Variants in SLC44A5 observed in about 807,000 individuals in gnomAD.
The protein encoded by SLC44A5 is choline transporter-like protein 5.
A neutral mutation model predicts 101.8 loss-of-function variants in SLC44A5; 57 were observed. The observed-to-expected ratio is 0.56, with a 90% CI of 0.45 to 0.70. The LOEUF is 0.70. Among genes scored for constraint, SLC44A5 ranks in the 30% least tolerant of loss-of-function variants. The pLI is 0.00. For missense variants in SLC44A5, 737 were observed against 853.1 expected (o/e 0.86, Z 1.70); for synonymous variants, 281 against 290.9 (o/e 0.97, Z 0.35).
chr1:75,675,617 G>A, the SLC44A5 span, among the ~76,000 whole-genome samples: 3 of 152,160 alleles, frequency 2.0e-5, no homozygotes, highest in Admixed American at 6.6e-5. Context: ...GAATATCTAG[G>A]CAATAACATT....
Position 75,313,264 on chromosome 1 carries a change from T to C in SLC44A5, c.102-12579A>G, listed in dbSNP as rs78460347. Among the ~76,000 whole-genome samples the C allele has an allele frequency of 5.1e-3, 775 of 152,278 alleles. 8 individuals are homozygous for C. Among genetic ancestry groups the C allele is most frequent in the African/African-American group, 0.018 (747 of 41,562 alleles). On this transcript the variant is annotated intron_variant, in intron 4 of 23. Transcript: ENST00000370859. ...CCTCATGGGTTGAAATGGATATGAATGGATTTCTCTCTAACGGTTTTTAAC... is the reference window on the plus strand; with the variant it reads ...CCTCATGGGTTGAAATGGATATGAACGGATTTCTCTCTAACGGTTTTTAAC...
intron 2 of SLC44A5, among the ~76,000 whole-genome samples, chr1:75,436,328 C>T (rs1664888777): frequency 6.6e-6 from 1 of 152,066 alleles, no homozygotes; most frequent in East Asian, 1.9e-4. Flanking sequence ...AACTTCTATA[C>T]ATGTCACAAT....
the SLC44A5 span, among the ~76,000 whole-genome samples, chr1:75,639,182 G>A: frequency 1.3e-5 from 2 of 152,050 alleles, no homozygotes; most frequent in Non-Finnish European, 2.9e-5. Flanking sequence ...CTTGAAAAAT[G>A]CTAAGATAGT....
chr1:75,357,870 A>T (rs1659196175), intron 3 of SLC44A5, among the ~76,000 whole-genome samples: 1 of 152,154 alleles, frequency 6.6e-6, no homozygotes, highest in African/African-American at 2.4e-5. Flanking sequence ...TGCGTCAAAG[A>T]GTTATATGTC....
intron 23 of SLC44A5, among the ~76,000 whole-genome samples, chr1:75,211,020 T>G (rs1646842842): frequency 6.6e-6 from 1 of 152,172 alleles, no homozygotes; most frequent in Non-Finnish European, 1.5e-5. Flanking sequence ...TATCTTTGTG[T>G]GTGTGTGGTG....
chr1:75,245,539 A>T (rs188593647), intron 7 of SLC44A5, among the ~76,000 whole-genome samples: 34 of 152,236 alleles, frequency 2.2e-4, no homozygotes, highest in Admixed American at 2.1e-3. Context: ...GAATACACTT[A>T]AATGGATTTA....
chr1:75,398,451 G>A, intron 2 of SLC44A5: 1 of 951,626 alleles, frequency 1.1e-6, no homozygotes, highest in Non-Finnish European at 1.3e-6. Context: ...GGAACTGGTA[G>A]TTACTATAAT....
the SLC44A5 span, among the ~76,000 whole-genome samples, chr1:75,661,898 G>C: frequency 6.6e-6 from 1 of 152,056 alleles, no homozygotes; most frequent in African/African-American, 2.4e-5. Context: ...ATGGTTGGTA[G>C]AAATGTAAAT....
the SLC44A5 span, among the ~76,000 whole-genome samples, chr1:75,713,572 C>T: frequency 3.5e-4 from 54 of 152,168 alleles, no homozygotes; most frequent in African/African-American, 1.2e-3. Context: ...GGGAGAGATG[C>T]GGTGGAGGCC....
chr1:75,291,688 C>A (rs1653556435), intron 5 of SLC44A5, among the ~76,000 whole-genome samples: 1 of 151,966 alleles, frequency 6.6e-6, no homozygotes, highest in Non-Finnish European at 1.5e-5. Flanking sequence ...GTACTGAGGA[C>A]AGAAAGGAGA....
intron 2 of SLC44A5, among the ~76,000 whole-genome samples, chr1:75,449,743 C>G (rs1665790517): frequency 6.6e-6 from 1 of 152,122 alleles, no homozygotes; most frequent in Non-Finnish European, 1.5e-5. Flanking sequence ...TGGCTCACGC[C>G]TGTAATCCTA....
At chr1:75,223,776 T>C (rs574072058) in intron 13 of SLC44A5, among the ~76,000 whole-genome samples, 1 of 152,200 alleles carries the variant, frequency 6.6e-6, no homozygotes, top group East Asian at 1.9e-4. Flanking sequence ...ATCTTAGTAA[T>C]GTATCATCTC....
At chr1:75,554,703 T>C (rs1370828528) in intron 1 of SLC44A5, among the ~76,000 whole-genome samples, 3 of 152,020 alleles carry the variant, frequency 2.0e-5, no homozygotes, top group Non-Finnish European at 1.5e-5. Flanking sequence ...GGAGTTTAAA[T>C]TTAGTACCAG....
At chr1:75,570,596 T>C (rs1485828417) in intron 1 of SLC44A5, among the ~76,000 whole-genome samples, 2 of 152,156 alleles carry the variant, frequency 1.3e-5, no homozygotes, top group African/African-American at 4.8e-5. Context: ...GTTTTTGTGG[T>C]TTTAAAGCAT....
chr1:75,470,767 G>A (rs1189634054), intron 2 of SLC44A5, among the ~76,000 whole-genome samples: 1 of 152,064 alleles, frequency 6.6e-6, no homozygotes, highest in South Asian at 2.1e-4. Context: ...AAGTATGGTG[G>A]GAGGGTTGGG....
chr1:75,686,872 A>T, the SLC44A5 span, among the ~76,000 whole-genome samples: 2 of 152,194 alleles, frequency 1.3e-5, no homozygotes, highest in Non-Finnish European at 1.5e-5. Context: ...TATTTGGACA[A>T]TAGAGTAAAT....
chr1:75,591,080 G>A (rs765401519), intron 1 of SLC44A5, among the ~76,000 whole-genome samples: 22 of 152,278 alleles, frequency 1.4e-4, no homozygotes, highest in Middle Eastern at 6.8e-3. Context: ...AACAGAGAGA[G>A]ACTGTATGTT....
chr1:75,244,637 T>C (rs1300098930), intron 7 of SLC44A5, among the ~76,000 whole-genome samples: 1 of 152,010 alleles, frequency 6.6e-6, no homozygotes, highest in Non-Finnish European at 1.5e-5. Flanking sequence ...AGAGAGGTCA[T>C]CTTTGCAATT....
rs143674541 is a variant in SLC44A5 at position 75,273,231 on chromosome 1, T to G, written c.260+1727A>C. On this transcript the variant is annotated intron_variant, in intron 6 of 23. Coordinates refer to ENST00000370859, the MANE Select transcript of SLC44A5 (RefSeq NM_001130058.2). ...GTGCTACTAATTTGTGTACATTGAT[T>G]TTGTAACCCGAGCCTTTAGTGAATT... Among the ~76,000 whole-genome samples, 590 of 152,230 alleles carry G rather than the reference T, an allele frequency of 3.9e-3. 2 individuals carry two copies. Among genetic ancestry groups the G allele is most frequent in the Middle Eastern group, 0.014 (4 of 294 alleles).
Sources: gnomAD v4.1 joint callset for allele counts (sites outside exome capture counted in the v4.1 genomes callset) on GRCh38, gnomAD v4.1.1 for gene constraint, MANE v1.5 for transcripts, NCBI Gene and HGNC (gene_info 2026-07-23, HGNC 2026-07-21) for gene names.